AGBL4: variants seen among roughly 807,000 people sequenced by gnomAD.
AGBL4 encodes the protein cytosolic carboxypeptidase 6.
AGBL4 carries 58 observed loss-of-function variants against 66.4 expected under a neutral mutation model. That is an observed-to-expected ratio of 0.87 (90% CI 0.71 to 1.09). The LOEUF is 1.09. Among genes scored for constraint, AGBL4 ranks in the 50% least tolerant of loss-of-function variants. The probability of loss-of-function intolerance (pLI) is 0.00; values close to 1 mark genes in which losing one functional copy is unlikely to be tolerated. For synonymous variants in AGBL4, 234 were observed against 222.9 expected (o/e 1.05, Z -0.44); for missense variants, 579 against 631.0 (o/e 0.92, Z 0.88).
chr1:49,142,087 T>C lies in AGBL4; in HGVS notation c.378-96287A>G, dbSNP rs141419564. On this transcript the variant is annotated intron_variant, in intron 4 of 13. Coordinates refer to ENST00000371839, the MANE Select transcript of AGBL4 (RefSeq NM_032785.4). ...GATTCTCATAGGAGTGAGAACCCTA[T>C]TGTCAACTGTGCATGTGAGGGATCT... Among the ~76,000 whole-genome samples the C allele has an allele frequency of 2.3e-4, 35 of 152,138 alleles. 1 individual carries two copies. The highest frequency in any genetic ancestry group is 8.2e-4 in the African/African-American group (34 of 41,516).
chr1:49,940,714 T>G (rs1398116387), intron 1 of AGBL4, among the ~76,000 whole-genome samples: 2 of 149,598 alleles, frequency 1.3e-5, no homozygotes, highest in East Asian at 2.0e-4. Context: ...GGTGGGGGTA[T>G]GGGGGAGGGA....
chr1:49,997,796 T>A (rs997425630), intron 1 of AGBL4, among the ~76,000 whole-genome samples: 3 of 152,142 alleles, frequency 2.0e-5, no homozygotes, highest in Non-Finnish European at 4.4e-5. Flanking sequence ...AGATAGACCA[T>A]ATGATAGGGC....
chr1:49,707,884 C>A (rs1647333072), intron 2 of AGBL4, among the ~76,000 whole-genome samples: 1 of 152,272 alleles, frequency 6.6e-6, no homozygotes, highest in Middle Eastern at 3.4e-3. Context: ...TTGGCCCCCA[C>A]TATCTTCTGG....
chr1:49,297,488 GT>G (rs1443888766), intron 3 of AGBL4, among the ~76,000 whole-genome samples: 1 of 152,230 alleles, frequency 6.6e-6, no homozygotes, highest in East Asian at 1.9e-4. Context: ...GAGGTAAGCT[GT>G]GGAACAGAGA....
chr1:49,503,133 T>C (rs1316680661), intron 3 of AGBL4, among the ~76,000 whole-genome samples: 1 of 151,978 alleles, frequency 6.6e-6, no homozygotes, highest in Non-Finnish European at 1.5e-5. Context: ...TGGTGCCCTG[T>C]GTCCCAGCCA....
intron 1 of AGBL4, among the ~76,000 whole-genome samples, chr1:49,891,598 G>A (rs77577435): frequency 0.053 from 8,101 of 152,284 alleles, 240 homozygotes; most frequent in African/African-American, 0.071. Context: ...GTGCTTGAAA[G>A]TGAAACCTGA....
intron 5 of AGBL4, among the ~76,000 whole-genome samples, chr1:48,936,689 C>T (rs1640940785): frequency 6.6e-6 from 1 of 152,136 alleles, no homozygotes; most frequent in Non-Finnish European, 1.5e-5. Context: ...TCATCCCGGT[C>T]TTATTTGCAA....
intron 3 of AGBL4, among the ~76,000 whole-genome samples, chr1:49,614,793 T>C (rs1340839850): frequency 6.6e-6 from 1 of 152,204 alleles, no homozygotes. Context: ...TACTACACTA[T>C]ACTCCCATCT....
At chr1:48,809,566 G>T (rs1469657847) in intron 6 of AGBL4, among the ~76,000 whole-genome samples, 2 of 152,148 alleles carry the variant, frequency 1.3e-5, no homozygotes, top group Non-Finnish European at 2.9e-5. Context: ...GAGACATCTA[G>T]AAAAAACTGA....
intron 4 of AGBL4, among the ~76,000 whole-genome samples, chr1:49,084,587 A>T (rs139556614): frequency 6.6e-6 from 1 of 152,102 alleles, no homozygotes; most frequent in Non-Finnish European, 1.5e-5. Flanking sequence ...AATTAACTCC[A>T]CCTGGCCCTG....
chr1:49,806,642 A>G (rs1005835478), intron 2 of AGBL4, among the ~76,000 whole-genome samples: 10 of 152,224 alleles, frequency 6.6e-5, no homozygotes, highest in Non-Finnish European at 4.4e-5. Context: ...GATAAGATTA[A>G]TATGAATCAG....
At chr1:49,648,076 T>G (rs1645926707) in intron 3 of AGBL4, among the ~76,000 whole-genome samples, 1 of 152,066 alleles carries the variant, frequency 6.6e-6, no homozygotes, top group Admixed American at 6.6e-5. Flanking sequence ...AGCAATTTAT[T>G]AAAACTATAA....
At chr1:49,091,819 T>C (rs986723570) in intron 4 of AGBL4, among the ~76,000 whole-genome samples, 2 of 152,110 alleles carry the variant, frequency 1.3e-5, no homozygotes, top group Non-Finnish European at 2.9e-5. Flanking sequence ...GAAAATGTGG[T>C]ACATACACAT....
At chr1:49,854,244 A>G (rs1646377810) in intron 1 of AGBL4, among the ~76,000 whole-genome samples, 1 of 151,888 alleles carries the variant, frequency 6.6e-6, no homozygotes, top group Non-Finnish European at 1.5e-5. Flanking sequence ...ACAACCACAC[A>G]TCAAATAAAG....
chr1:49,698,431 T>C (rs1647027369), intron 2 of AGBL4, among the ~76,000 whole-genome samples: 1 of 152,136 alleles, frequency 6.6e-6, no homozygotes, highest in South Asian at 2.1e-4. Flanking sequence ...AAATGCTAAA[T>C]GAACTAAACT....
At chr1:48,546,864 AACACAC>A (rs58136623) in intron 11 of AGBL4, among the ~76,000 whole-genome samples, 10 of 128,382 alleles carry the variant, frequency 7.8e-5, no homozygotes, top group South Asian at 2.7e-4. Context: ...AAAACAAACA[AACACAC>A]ACACACACAC....
intron 1 of AGBL4, among the ~76,000 whole-genome samples, chr1:49,945,113 G>C (rs1655095483): frequency 6.6e-6 from 1 of 152,080 alleles, no homozygotes; most frequent in Non-Finnish European, 1.5e-5. Flanking sequence ...TGAGAAAGAA[G>C]AGAATCGAAA....
chr1:49,498,329 C>T (rs1324550903), intron 3 of AGBL4, among the ~76,000 whole-genome samples: 1 of 151,864 alleles, frequency 6.6e-6, no homozygotes, highest in Non-Finnish European at 1.5e-5. Context: ...TTTAGCTTCT[C>T]CCTTTCCTAT....
At chr1:49,792,505 C>T (rs2147930871) in intron 2 of AGBL4, among the ~76,000 whole-genome samples, 1 of 152,034 alleles carries the variant, frequency 6.6e-6, no homozygotes, top group Middle Eastern at 3.4e-3. Flanking sequence ...ATTATGGTCT[C>T]CTAAATATTA....
Sources: gnomAD v4.1 joint callset for allele counts (sites outside exome capture counted in the v4.1 genomes callset) on GRCh38, gnomAD v4.1.1 for gene constraint, MANE v1.5 for transcripts, NCBI Gene and HGNC (gene_info 2026-07-23, HGNC 2026-07-21) for gene names.